Variants in MCC observed in about 807,000 individuals in gnomAD.
MCC encodes the protein MCC regulator of Wnt signaling pathway, also known as colorectal mutant cancer protein.
A neutral mutation model predicts 116.2 loss-of-function variants in MCC; 90 were observed. That is an observed-to-expected ratio of 0.77 (90% confidence interval 0.65 to 0.92). The LOEUF (loss-of-function observed/expected upper bound fraction) is 0.92. MCC is among the 40% of genes least tolerant of loss of function. The pLI is 0.00. For synonymous variants in MCC, 578 were observed against 510.5 expected (o/e 1.13, Z -1.78); for missense variants, 1,516 against 1,312.2 (o/e 1.16, Z -2.40).
intron 1 of MCC, among the ~76,000 whole-genome samples, chr5:113,470,141 C>T (rs1177411065): frequency 6.6e-6 from 1 of 151,624 alleles, no homozygotes; most frequent in Non-Finnish European, 1.5e-5. Flanking sequence ...ATCCAATTTG[C>T]CAGTCTGTGT....
chr5:113,270,241 T>C (rs1346642369), intron 3 of MCC, among the ~76,000 whole-genome samples: 1 of 152,130 alleles, frequency 6.6e-6, no homozygotes, highest in Non-Finnish European at 1.5e-5. Flanking sequence ...AATGTAATAG[T>C]TCTAAGTCAG....
intron 1 of MCC, chr5:113,433,826 C>T (rs1486939527): frequency 1.9e-6 from 3 of 1,614,020 alleles, no homozygotes; most frequent in Admixed American, 3.3e-5. Context: ...GGATCTCCGA[C>T]TGCCTGGACA....
intron 3 of MCC, chr5:113,294,524 G>C: frequency 1.4e-6 from 2 of 1,480,128 alleles, no homozygotes; most frequent in East Asian, 2.4e-5. Context: ...GGACAGTTGC[G>C]AAGCGCAAAC....
chr5:113,442,002 T>C (rs896685693), intron 1 of MCC, among the ~76,000 whole-genome samples: 1 of 152,248 alleles, frequency 6.6e-6, no homozygotes, highest in Non-Finnish European at 1.5e-5. Context: ...TTTGGGTATA[T>C]ACCCATTAAT....
At chr5:113,328,118 C>T (rs1038227407) in intron 3 of MCC, among the ~76,000 whole-genome samples, 1 of 152,078 alleles carries the variant, frequency 6.6e-6, no homozygotes, top group Non-Finnish European at 1.5e-5. Context: ...TACGACTTAC[C>T]TCTCCCCTGA....
intron 3 of MCC, among the ~76,000 whole-genome samples, chr5:113,200,649 G>A: frequency 1.3e-5 from 2 of 152,298 alleles, no homozygotes; most frequent in African/African-American, 4.8e-5. Flanking sequence ...GAAACATATG[G>A]AAATGTCGGA....
intron 1 of MCC, among the ~76,000 whole-genome samples, chr5:113,484,127 G>A (rs1772452397): frequency 6.6e-6 from 1 of 151,966 alleles, no homozygotes; most frequent in African/African-American, 2.4e-5. Context: ...GTCGGCACTA[G>A]GCTTAGTATC....
At chr5:113,440,484 G>C (rs1246399240) in intron 1 of MCC, among the ~76,000 whole-genome samples, 1 of 151,970 alleles carries the variant, frequency 6.6e-6, no homozygotes, top group African/African-American at 2.4e-5. Context: ...CATGGCAAAC[G>C]TTGCATCTTA....
intron 5 of MCC, among the ~76,000 whole-genome samples, chr5:113,133,305 C>G (rs895466005): frequency 6.6e-6 from 1 of 152,112 alleles, no homozygotes; most frequent in African/African-American, 2.4e-5. Context: ...CCTACCCTTC[C>G]CAGCCTCTAA....
chr5:113,040,030 C>A (rs1751592804), intron 17 of MCC, among the ~76,000 whole-genome samples: 1 of 151,224 alleles, frequency 6.6e-6, no homozygotes, highest in Non-Finnish European at 1.5e-5. Context: ...AACAAAATAC[C>A]CTGTTAAGAA....
chr5:113,385,292 G>T, intron 1 of MCC, 80 bp from the exon 2 acceptor site: 1 of 1,412,404 alleles, frequency 7.1e-7, no homozygotes, highest in African/African-American at 1.4e-5. Flanking sequence ...AAAAAAAAAG[G>T]TATTTCTTAA....
intron 3 of MCC, among the ~76,000 whole-genome samples, chr5:113,180,853 T>C (rs933024439): frequency 2.0e-4 from 30 of 152,334 alleles, no homozygotes; most frequent in Non-Finnish European, 3.7e-4. Flanking sequence ...AATTACATTT[T>C]AATCAGAAAA....
intron 1 of MCC, among the ~76,000 whole-genome samples, chr5:113,486,582 G>A (rs1372367190): frequency 3.3e-5 from 5 of 152,186 alleles, no homozygotes; most frequent in African/African-American, 7.2e-5. Context: ...GGTGGCTCAG[G>A]CCTGTAATCT....
intron 3 of MCC, among the ~76,000 whole-genome samples, chr5:113,235,151 C>T (rs529974645): frequency 1.3e-3 from 196 of 152,346 alleles, no homozygotes; most frequent in African/African-American, 4.4e-3. Context: ...AAACTTTAAA[C>T]TGCTCCACAA....
At chr5:113,465,725 A>G (rs1771883985) in intron 1 of MCC, among the ~76,000 whole-genome samples, 1 of 152,220 alleles carries the variant, frequency 6.6e-6, no homozygotes. Flanking sequence ...CAAATTAGAA[A>G]TACAGATAGT....
intron 14 of MCC, 60 bp from the exon 15 acceptor site, chr5:113,054,019 G>A: frequency 8.3e-7 from 1 of 1,209,054 alleles, no homozygotes. Flanking sequence ...ATGGCAAATA[G>A]ATCTTTCCTC....
At chr5:113,156,803 G>A (rs373584430) in intron 3 of MCC, among the ~76,000 whole-genome samples, 14 of 152,146 alleles carry the variant, frequency 9.2e-5, no homozygotes, top group Admixed American at 4.6e-4. Context: ...GTATCCAAAC[G>A]AAACTAAACC....
rs79291974 is a variant in MCC at position 113,375,294 on chromosome 5, C to G, written c.415+9674G>C. ...TCTGACAATGATTCTCCTTTCTCAT[C>G]TCCTATAGCACAACTTGTTTGCTTC... On this transcript the variant is annotated intron_variant, in intron 2 of 18. Coordinates refer to ENST00000408903, the MANE Select transcript of MCC (RefSeq NM_001085377.2). Among the ~76,000 whole-genome samples the G allele has an allele frequency of 8.7e-3, 1,320 of 152,192 alleles. 23 individuals carry two copies. The highest frequency in any genetic ancestry group is 0.03 in the African/African-American group (1,265 of 41,504).
At chr5:113,101,565 A>C in intron 8 of MCC, 174 bp downstream of exon 8, 3 of 626,684 alleles carry the variant, frequency 4.8e-6, no homozygotes, top group Non-Finnish European at 8.4e-6. Context: ...TCTTACCTCT[A>C]TACCTTAGCA....
Sources: allele counts gnomAD v4.1 joint callset (sites outside exome capture counted in the v4.1 genomes callset), GRCh38; gene constraint gnomAD v4.1.1; transcripts MANE v1.5; gene names NCBI Gene and HGNC (gene_info 2026-07-23, HGNC 2026-07-21).